Variants in TRIP4 observed in about 807,000 individuals in gnomAD.
TRIP4 encodes the protein activating signal cointegrator 1.
A neutral mutation model predicts 81.8 loss-of-function variants in TRIP4; 54 were observed. The ratio of observed to expected loss-of-function variants is 0.66; its 90% CI spans 0.53 to 0.83. TRIP4 has a LOEUF of 0.83. Among genes scored for constraint, TRIP4 ranks in the 40% least tolerant of loss-of-function variants. TRIP4 has a pLI of 0.00. For missense variants in TRIP4, 662 were observed against 683.6 expected (o/e 0.97, Z 0.35); for synonymous variants, 270 against 242.8 (o/e 1.11, Z -1.04).
intron 11 of TRIP4, among the ~76,000 whole-genome samples, chr15:64,429,024 T>C (rs934922306): frequency 2.6e-5 from 4 of 152,078 alleles, no homozygotes; most frequent in African/African-American, 4.8e-5. Context: ...TTAAAAGTTG[T>C]AGCTTTTGGG....
rs1263418430 is a variant in TRIP4 at position 64,387,977 on chromosome 15, C to T, written c.101+13C>T. 29 of 1,543,216 alleles carry T rather than the reference C, an allele frequency of 1.9e-5. No individual in the cohort carries two copies. The highest frequency in any genetic ancestry group is 2.5e-5 in the Non-Finnish European group (28 of 1,142,198). On this transcript the variant is annotated intron_variant, in intron 1 of 12. Transcript: ENST00000261884. ...AGGAGATCATTCAGTGAGAACAGTT[C>T]GGGTCCAAGCGGGGAAGGAGCTCTG...
At chr15:64,395,646 C>A in intron 3 of TRIP4, 115 bp downstream of exon 3, 1 of 1,211,600 alleles carries the variant, frequency 8.3e-7, no homozygotes, top group Non-Finnish European at 1.1e-6. Context: ...TCAACAAATG[C>A]ATGAATTTTA....
chr15:64,452,189 C>A (rs1162084089), intron 12 of TRIP4, among the ~76,000 whole-genome samples: 50 of 152,182 alleles, frequency 3.3e-4, no homozygotes, highest in Non-Finnish European at 4.4e-5. Context: ...ACCATGTTGG[C>A]CAGACTGGTC....
chr15:64,399,674 G>T (rs572141859), intron 4 of TRIP4, among the ~76,000 whole-genome samples: 4 of 152,048 alleles, frequency 2.6e-5, no homozygotes, highest in African/African-American at 9.6e-5. Flanking sequence ...GCTAATTTTT[G>T]TATTTTTAGT....
intron 11 of TRIP4, among the ~76,000 whole-genome samples, chr15:64,433,849 G>T (rs1169695570): frequency 3.3e-5 from 5 of 152,140 alleles, no homozygotes; most frequent in Non-Finnish European, 7.4e-5. Flanking sequence ...ATGTGGTCCA[G>T]GACGGCTTTG....
intron 11 of TRIP4, among the ~76,000 whole-genome samples, chr15:64,426,873 G>A (rs1892160337): frequency 6.6e-6 from 1 of 151,144 alleles, no homozygotes; most frequent in Admixed American, 6.6e-5. Flanking sequence ...GATGGCACGC[G>A]CTTATAGTCC....
At chr15:64,401,969 C>T (rs1010056853) in intron 5 of TRIP4, among the ~76,000 whole-genome samples, 2 of 152,054 alleles carry the variant, frequency 1.3e-5, no homozygotes, top group African/African-American at 4.8e-5. Flanking sequence ...CGACTAATTG[C>T]AGTATAGATC....
intron 11 of TRIP4, among the ~76,000 whole-genome samples, chr15:64,438,217 C>G (rs1318644979): frequency 6.6e-6 from 1 of 152,210 alleles, no homozygotes; most frequent in African/African-American, 2.4e-5. Flanking sequence ...AAAATAAAAT[C>G]TAAAATTGGC....
chr15:64,454,839 C>T (rs1023821357), intron 12 of TRIP4, among the ~76,000 whole-genome samples, 158 bp from the exon 13 acceptor site: 1 of 152,122 alleles, frequency 6.6e-6, no homozygotes, highest in African/African-American at 2.4e-5. Flanking sequence ...CTTCCTTATT[C>T]TTACAGAATG....
At chr15:64,417,504 C>G (rs1891914136) in intron 8 of TRIP4, among the ~76,000 whole-genome samples, 1 of 152,022 alleles carries the variant, frequency 6.6e-6, no homozygotes, top group Admixed American at 6.6e-5. Context: ...TGCTAATTGC[C>G]TTTATTTTTA....
chr15:64,389,397 A>G (rs1474545202), intron 1 of TRIP4, among the ~76,000 whole-genome samples: 4 of 152,022 alleles, frequency 2.6e-5, no homozygotes, highest in Non-Finnish European at 5.9e-5. Flanking sequence ...TTTGGGAGGT[A>G]GAGGTGGGAG....
At chr15:64,434,304 C>T (rs1207904696) in intron 11 of TRIP4, among the ~76,000 whole-genome samples, 1 of 150,494 alleles carries the variant, frequency 6.6e-6, no homozygotes, top group Non-Finnish European at 1.5e-5. Context: ...GAGGCTGAGG[C>T]AGGAGAATCA....
rs1214020959 is a variant in TRIP4 at position 64,409,736 on chromosome 15, A to G, written c.951A>G (p.Arg317=). 3.1e-6 allele frequency: 5 copies of G among 1,614,076 alleles called. No individual in the cohort carries two copies. The African/African-American group carries it at 5.3e-5, about 17-fold the overall frequency. The change falls in exon 7 of 13, where the codon CGA becomes CGG. Residue 317 remains arginine (R), a synonymous_variant. Coordinates refer to ENST00000261884, the MANE Select transcript of TRIP4 (RefSeq NM_016213.5). ...GAGAGGAGGAGCTGAGAGAACTTCG[A>G]CACGCCTCTCGACTTTCTAAGAAGG... ...QKREEELREL[R]HASRLSKKVT...
intron 7 of TRIP4, 111 bp from the exon 8 acceptor site, chr15:64,413,974 C>G: frequency 7.9e-7 from 1 of 1,260,096 alleles, no homozygotes; most frequent in Non-Finnish European, 1.1e-6. Flanking sequence ...CATCCATAGA[C>G]TCCTCTTTAT....
chr15:64,424,763 C>T (rs1892100864), intron 10 of TRIP4, among the ~76,000 whole-genome samples: 1 of 152,114 alleles, frequency 6.6e-6, no homozygotes, highest in East Asian at 1.9e-4. Flanking sequence ...TTCATGCTTC[C>T]TTAAAAGCAC....
chr15:64,442,356 T>C (rs1468592319), intron 11 of TRIP4, among the ~76,000 whole-genome samples: 1 of 152,222 alleles, frequency 6.6e-6, no homozygotes, highest in East Asian at 1.9e-4. Context: ...TAAGAAATGG[T>C]GAGATATTGG....
intron 6 of TRIP4, among the ~76,000 whole-genome samples, chr15:64,408,990 G>T (rs1179432274): frequency 6.6e-6 from 1 of 152,090 alleles, no homozygotes; most frequent in Non-Finnish European, 1.5e-5. Context: ...CAAGGTGGGT[G>T]GATCACGAGG....
At position 64,424,171 on chromosome 15, in the gene TRIP4, TCTC is replaced by T. The variant is rs1399469387; in HGVS notation, c.1483+19_1483+21del. 12 of 1,613,766 alleles carry T rather than the reference TCTC, an allele frequency of 7.4e-6. No homozygotes were observed. In the Admixed American group the frequency reaches 2.0e-4, roughly 27 times the overall value. On this transcript the variant is annotated intron_variant, in intron 10 of 12. Coordinates refer to ENST00000261884, the MANE Select transcript of TRIP4 (RefSeq NM_016213.5). ...CGTGGGAAAGGTAACAGCCGCATATTCTCCTTTCAATTTTACTTTATGGAGAGA... is the reference window on the plus strand; with the variant it reads ...CGTGGGAAAGGTAACAGCCGCATATTCTTTCAATTTTACTTTATGGAGAGA...
Position 64,387,838 on chromosome 15 carries a change from A to G in TRIP4, c.-26A>G, listed in dbSNP as rs982673829. 68 of 1,538,318 alleles carry G rather than the reference A, an allele frequency of 4.4e-5. No individual in the cohort carries two copies. Among genetic ancestry groups the G allele is most frequent in the Non-Finnish European group, 5.8e-5 (66 of 1,145,550 alleles). ...CCGGTGCAGGACGTGGGGCTTTTGCAGCTCAGCTGGTTCCGGCTGGGGAAG... is the reference window on the plus strand; with the variant it reads ...CCGGTGCAGGACGTGGGGCTTTTGCGGCTCAGCTGGTTCCGGCTGGGGAAG... On this transcript the variant is annotated 5_prime_UTR_variant, in exon 1 of 13. Coordinates refer to ENST00000261884, the MANE Select transcript of TRIP4 (RefSeq NM_016213.5).
Sources: gnomAD v4.1 joint callset for allele counts (sites outside exome capture counted in the v4.1 genomes callset) on GRCh38, gnomAD v4.1.1 for gene constraint, MANE v1.5 for transcripts, NCBI Gene and HGNC (gene_info 2026-07-23, HGNC 2026-07-21) for gene names.